The following GALNT5 variants were observed in gnomAD, a reference collection of about 807,000 sequenced individuals.
The protein encoded by GALNT5 is polypeptide N-acetylgalactosaminyltransferase 5.
A neutral mutation model predicts 85.4 loss-of-function variants in GALNT5; 72 were observed. The observed-to-expected ratio is 0.84, with a 90% CI of 0.70 to 1.03. The LOEUF is 1.03. Among genes scored for constraint, GALNT5 ranks in the 50% least tolerant of loss-of-function variants. GALNT5 has a pLI of 0.00. For synonymous variants in GALNT5, 404 were observed against 397.0 expected (o/e 1.02, Z -0.21); for missense variants, 1,137 against 1,135.5 (o/e 1.00, Z -0.02).
rs200303080 is a variant in GALNT5 at position 157,300,867 on chromosome 2, C to A, written c.2307C>A (p.Asp769Glu). The A allele has an allele frequency of 3.1e-6, 5 of 1,613,792 alleles. No individual in the cohort carries two copies. Among genetic ancestry groups the A allele is most frequent in the African/African-American group, 2.7e-5 (2 of 74,890 alleles). ...ATGGCCACGGAGACCACCTCATCGA[C>A]CAAGGGCTAGATGTTGGCAACCTCA... ...LFYGHGDHLI[D>E]QGLDVGNLTQ... Residue 769 changes from aspartate (D) to glutamate (E), a missense_variant, in exon 7 of 10, where the codon GAC becomes GAA. Transcript: ENST00000259056.
chr2:157,291,095 A>G (rs553018412), intron 3 of GALNT5, among the ~76,000 whole-genome samples: 1 of 152,336 alleles, frequency 6.6e-6, no homozygotes, highest in South Asian at 2.1e-4. Flanking sequence ...AACAGAATTA[A>G]AAAGATAGAG....
Position 157,308,697 on chromosome 2 carries a change from A to G in GALNT5, c.2651A>G (p.His884Arg). The change falls in exon 9 of 10, where the codon CAT becomes CGT. Residue 884 changes from histidine (H) to arginine (R), a missense_variant. His to Arg is a conservative substitution (Grantham distance 29). Transcript: ENST00000259056. ...AGAAACAAAGGGCTAAAATGGCTGCATAAATCAACATCAGTCTTTCATCCA... is the reference window on the plus strand; with the variant it reads ...AGAAACAAAGGGCTAAAATGGCTGCGTAAATCAACATCAGTCTTTCATCCA... ...DNRNKGLKWL[H>R]KSTSVFHPEL... 1.2e-6 allele frequency: 2 copies of G among 1,613,244 alleles called. No individual in the cohort carries two copies. The highest frequency in any genetic ancestry group is 1.7e-6 in the Non-Finnish European group (2 of 1,179,744).
intron 8 of GALNT5, among the ~76,000 whole-genome samples, chr2:157,306,225 A>G (rs910273606): frequency 1.3e-5 from 2 of 152,246 alleles, no homozygotes; most frequent in Non-Finnish European, 2.9e-5. Context: ...TGTAATAATA[A>G]TAAAGATAAA....
At position 157,317,863 on chromosome 2, in the gene GALNT5, A is replaced by G. The variant is rs941966060; in HGVS notation, c.*6515A>G. On this transcript the variant is annotated 3_prime_UTR_variant, in exon 10 of 10. Coordinates refer to ENST00000259056, the MANE Select transcript of GALNT5 (RefSeq NM_014568.3). The stretch of plus-strand genomic sequence containing the variant: ...TTTGTATTGATTGCCTGGCTCAGTT[A>G]TCTCATGTTCTTCATGAACTATATA... Among the ~76,000 whole-genome samples, 3 of 152,078 alleles carry G rather than the reference A, an allele frequency of 2.0e-5. No individual in the cohort carries two copies. The highest frequency in any genetic ancestry group is 4.8e-5 in the African/African-American group (2 of 41,430).
chr2:157,265,024 C>A (rs1469478770), intron 1 of GALNT5, among the ~76,000 whole-genome samples: 1 of 152,006 alleles, frequency 6.6e-6, no homozygotes, highest in Admixed American at 6.6e-5. Flanking sequence ...GAAAAAAAAA[C>A]CTCATGAGAT....
intron 3 of GALNT5, among the ~76,000 whole-genome samples, chr2:157,287,944 A>G (rs1683013718): frequency 6.6e-6 from 1 of 152,328 alleles, no homozygotes. Flanking sequence ...TACATATGAG[A>G]ATATAGAGGC....
intron 1 of GALNT5, among the ~76,000 whole-genome samples, chr2:157,271,493 G>A (rs943475894): frequency 6.6e-6 from 1 of 152,218 alleles, no homozygotes; most frequent in African/African-American, 2.4e-5. Flanking sequence ...GAGAAAGAGA[G>A]TGGATGCTCA....
At position 157,258,123 on chromosome 2, in the gene GALNT5, T is replaced by A. The variant is rs1558885857; in HGVS notation, c.41T>A (p.Val14Asp). 1.9e-6 allele frequency: 3 copies of A among 1,613,884 alleles called. No homozygotes were observed. The highest frequency in any genetic ancestry group is 2.2e-5 in the South Asian group (2 of 91,066). The part of the protein sequence containing the change: ...IRKFFRGSGR[V>D]LAFIFVASVI... ...AAGTTTTTCCGAGGAAGTGGGCGAG[T>A]CTTGGCATTTATCTTTGTAGCTTCT... Residue 14 changes from valine to aspartate, a missense_variant, in exon 1 of 10, where the codon GTC (valine) becomes GAC (aspartate). Physicochemically the swap from Val to Asp is radical, Grantham distance 152. Transcript: ENST00000259056.
chr2:157,312,976 G>A lies in GALNT5; in HGVS notation c.*1628G>A, dbSNP rs1475416132. ...TTAACATTTAATTTTGACTCCCAAT[G>A]AGTTACGTAAAAGCAAAACTATAAC... On this transcript the variant is annotated 3_prime_UTR_variant, in exon 10 of 10. Coordinates refer to ENST00000259056, the MANE Select transcript of GALNT5 (RefSeq NM_014568.3). The A allele has an allele frequency of 6.6e-6, 1 of 152,102 alleles. No individual in the cohort carries two copies. The highest frequency in any genetic ancestry group is 1.5e-5 in the Non-Finnish European group (1 of 67,998). The allele number at this position is 152,102 out of a possible 1,614,324, so 9.4% of individuals were successfully genotyped here. A position where few individuals can be genotyped will look rare whatever the true frequency, so the allele number is the denominator to read the frequency against.
chr2:157,290,110 T>C (rs201761377), intron 3 of GALNT5, among the ~76,000 whole-genome samples: 2,345 of 128,676 alleles, frequency 0.018, 147 homozygotes, highest in African/African-American at 0.081. Context: ...TATATATATA[T>C]ATACATACAC....
In GALNT5 at chr2:157,299,589, G is replaced by T. The variant is rs149982260; in HGVS notation, c.2039G>T (p.Ser680Ile). ...GGTGGATTGTTTTCTATTGACAAAA[G>T]TTACTTTTTTGAACTTGGAACATAC... is the stretch of plus-strand genomic sequence containing the variant. ...MAGGLFSIDK[S>I]YFFELGTYDP... Residue 680 changes from serine (S) to isoleucine (I), a missense_variant, in exon 6 of 10, where the codon AGT (serine) becomes ATT (isoleucine). Physicochemically the swap from Ser to Ile is moderately radical, Grantham distance 142. Coordinates refer to ENST00000259056, the MANE Select transcript of GALNT5 (RefSeq NM_014568.3). 50 of 1,613,224 alleles carry T rather than the reference G, an allele frequency of 3.1e-5. No homozygotes were observed. The highest frequency in any genetic ancestry group is 3.9e-5 in the Non-Finnish European group (46 of 1,179,390).
At chr2:157,306,457 G>C (rs1311443006) in intron 8 of GALNT5, among the ~76,000 whole-genome samples, 1 of 152,100 alleles carries the variant, frequency 6.6e-6, no homozygotes, top group Non-Finnish European at 1.5e-5. Flanking sequence ...AGAGGGAGTC[G>C]GGCCAGGAAG....
At chr2:157,305,513 T>C (rs1011260709) in intron 7 of GALNT5, among the ~76,000 whole-genome samples, 1 of 152,310 alleles carries the variant, frequency 6.6e-6, no homozygotes, top group Non-Finnish European at 1.5e-5. Context: ...CTTCTGTGTG[T>C]TGGCTCTATG....
At chr2:157,286,367 C>T (rs1028768038) in intron 3 of GALNT5, among the ~76,000 whole-genome samples, 1 of 152,196 alleles carries the variant, frequency 6.6e-6, no homozygotes, top group African/African-American at 2.4e-5. Context: ...CATCATCATA[C>T]TGCACCCCTA....
intron 3 of GALNT5, among the ~76,000 whole-genome samples, chr2:157,291,922 T>C (rs189269801): frequency 4.1e-4 from 62 of 152,186 alleles, no homozygotes; most frequent in African/African-American, 1.4e-3. Context: ...ATGATAAATG[T>C]TTGAGGTGAT....
At chr2:157,269,881 C>G (rs531805678) in intron 1 of GALNT5, among the ~76,000 whole-genome samples, 117 of 152,244 alleles carry the variant, frequency 7.7e-4, no homozygotes, top group South Asian at 4.6e-3. Context: ...CATAAAGCAA[C>G]TCTCAGGACT....
chr2:157,311,189 A>C lies in GALNT5; in HGVS notation c.2683-19A>C. 1 of 1,598,344 alleles carries C rather than the reference A, an allele frequency of 6.3e-7. No homozygotes were observed. Among genetic ancestry groups the C allele is most frequent in the Non-Finnish European group, 8.5e-7 (1 of 1,170,040 alleles). ...CAAATTCAGCCTGTGGCTCATTCCC[A>C]GCTCTTCTTTCTCTCCAGGTGAATC... On this transcript the variant is annotated intron_variant, in intron 9 of 9. Coordinates refer to ENST00000259056, the MANE Select transcript of GALNT5 (RefSeq NM_014568.3).
chr2:157,291,296 A>G (rs1683092248), intron 3 of GALNT5, among the ~76,000 whole-genome samples: 1 of 152,168 alleles, frequency 6.6e-6, no homozygotes, highest in South Asian at 2.1e-4. Flanking sequence ...CATTCTAAAT[A>G]ATCACTTGGC....
chr2:157,310,470 A>G (rs200764026), intron 9 of GALNT5, among the ~76,000 whole-genome samples: 1 of 152,202 alleles, frequency 6.6e-6, no homozygotes, highest in African/African-American at 2.4e-5. Context: ...TTGTAGCAGC[A>G]ATCTTTAAAA....
Sources: gnomAD v4.1 joint callset for allele counts (sites outside exome capture counted in the v4.1 genomes callset) on GRCh38, gnomAD v4.1.1 for gene constraint, MANE v1.5 for transcripts, NCBI Gene and HGNC (gene_info 2026-07-23, HGNC 2026-07-21) for gene names.